Variants in SIGLEC1 observed in about 807,000 individuals in gnomAD.
The protein encoded by SIGLEC1 is sialoadhesin.
A neutral mutation model predicts 148.0 loss-of-function variants in SIGLEC1; 132 were observed. The observed-to-expected ratio is 0.89, with a 90% CI of 0.77 to 1.03. The LOEUF (loss-of-function observed/expected upper bound fraction) is 1.03. Among genes scored for constraint, SIGLEC1 ranks in the 50% least tolerant of loss-of-function variants. The probability of loss-of-function intolerance (pLI) is 0.00; values close to 1 mark genes in which losing one functional copy is unlikely to be tolerated. For synonymous variants in SIGLEC1, 945 were observed against 969.0 expected (o/e 0.98, Z 0.46); for missense variants, 2,253 against 2,271.4 (o/e 0.99, Z 0.16).
intron 21 of SIGLEC1, 34 bp downstream of exon 21, chr20:3,689,121 G>A: frequency 6.4e-7 from 1 of 1,570,842 alleles, no homozygotes; most frequent in Non-Finnish European, 8.8e-7. Context: ...GGTTAGCTGG[G>A]TATTATATCT....
chr20:3,696,726 C>A lies in SIGLEC1; in HGVS notation c.2543G>T (p.Gly848Val). Residue 848 changes from glycine (G) to valine (V), a missense_variant, in exon 11 of 22, where the codon GGT becomes GTT. Transcript: ENST00000344754. ...TSLGPQVPSHGRFQAKAEANS... is the reference protein window; with the variant it reads ...TSLGPQVPSHVRFQAKAEANS... The stretch of plus-strand genomic sequence containing the variant: ...GGCCTCAGCTTTAGCCTGGAACCGA[C>A]CATGGGATGGGACCTGGGGACCCAG... The A allele has an allele frequency of 6.2e-7, 1 of 1,613,656 alleles. No individual in the cohort carries two copies. Among genetic ancestry groups the A allele is most frequent in the South Asian group, 1.1e-5 (1 of 91,078 alleles).
chr20:3,688,316 G>T lies in SIGLEC1; in HGVS notation c.*244C>A. The T allele has an allele frequency of 2.0e-6, 1 of 510,064 alleles. No homozygotes were observed. The highest frequency in any genetic ancestry group is 3.6e-6 in the Non-Finnish European group (1 of 279,964). 31.6% of individuals were successfully genotyped at this position (510,064 alleles called of 1,614,324 possible). On this transcript the variant is annotated 3_prime_UTR_variant, in exon 22 of 22. Transcript: ENST00000344754. ...GAGAGAAGGGAGGAGATCCAGAGAA[G>T]AGAGAGCGAGATCAGCTCAGTGCTC...
At chr20:3,692,426 G>T in intron 16 of SIGLEC1, 95 bp downstream of exon 16, 1 of 1,390,572 alleles carries the variant, frequency 7.2e-7, no homozygotes, top group Non-Finnish European at 9.5e-7. Context: ...CCATTCCTGG[G>T]CCCACTGCAG....
Position 3,689,673 on chromosome 20 carries a change from G to C in SIGLEC1, c.4924C>G (p.Leu1642Val), listed in dbSNP as rs146502297. The C allele has an allele frequency of 1.3e-6, 2 of 1,587,560 alleles. No homozygotes were observed. The highest frequency in any genetic ancestry group is 1.3e-5 in the African/African-American group (1 of 74,684). ...ACCAGCAGTCCCAGGACCCAGAGCA[G>C]CTGCTGGAACTGATGCAGGCGGTGC... ...ALHRLHQFQQ[L>V]LWVLGLLVGL... The change falls in exon 20 of 22, where the codon CTG becomes GTG. Residue 1642 changes from leucine to valine, a missense_variant. Transcript: ENST00000344754.
intron 21 of SIGLEC1, 31 bp from the exon 22 acceptor site, chr20:3,688,650 G>A: frequency 1.9e-6 from 3 of 1,554,770 alleles, no homozygotes; most frequent in Non-Finnish European, 1.7e-6. Context: ...GGTCACAGGA[G>A]GCCTCTGGGA....
In SIGLEC1 at chr20:3,701,582, T is replaced by C; in HGVS notation, c.1288A>G (p.Ile430Val). The change falls in exon 7 of 22, where the codon ATC becomes GTC. Residue 430 changes from isoleucine to valine, a missense_variant. Transcript: ENST00000344754. ...FLETQAGLVG[I>V]LHCSVVSEPL... is the part of the protein sequence containing the mutation. ...TCACTGACCACAGAGCAGTGAAGGATGCCCACAAGTCCCGCCTGGGTCTCC... is the reference window on the plus strand; with the variant it reads ...TCACTGACCACAGAGCAGTGAAGGACGCCCACAAGTCCCGCCTGGGTCTCC... 6.2e-7 allele frequency: 1 copy of C among 1,601,150 alleles called. No individual in the cohort carries two copies. The highest frequency in any genetic ancestry group is 8.5e-7 in the Non-Finnish European group (1 of 1,170,290).
rs1378930625 is a variant in SIGLEC1, at chr20:3,692,909, C to T, written c.3731G>A (p.Arg1244His). ...CGTGTTGGCCTGGCCCAGAGGGCTGCGGGCAGAGCAGCTGTAGAAACCCTC... is the reference window on the plus strand; with the variant it reads ...CGTGTTGGCCTGGCCCAGAGGGCTGTGGGCAGAGCAGCTGTAGAAACCCTC... ...RDEGFYSCSA[R>H]SPLGQANTSL... is the part of the protein sequence containing the mutation. Residue 1244 changes from arginine to histidine, a missense_variant, in exon 15 of 22, where the codon CGC (arginine) becomes CAC (histidine). Physicochemically the swap from Arg to His is conservative, Grantham distance 29. Coordinates refer to ENST00000344754, the MANE Select transcript of SIGLEC1 (RefSeq NM_023068.4). 1.6e-5 allele frequency: 26 copies of T among 1,611,920 alleles called. No homozygotes were observed. The highest frequency in any genetic ancestry group is 1.9e-5 in the Non-Finnish European group (23 of 1,179,854).
In SIGLEC1 at chr20:3,703,335, G is replaced by T. The variant is rs375168366; in HGVS notation, c.1090C>A (p.His364Asn). 6.2e-7 allele frequency: 1 copy of T among 1,614,036 alleles called. No individual in the cohort carries two copies. Among genetic ancestry groups the T allele is most frequent in the African/African-American group, 1.3e-5 (1 of 74,938 alleles). ...SDLRYSWYKN[H>N]VLLEDAHSHT... ...GAGTGGGCATCCTCCAGCAGGACAT[G>T]GTTCTTGTACCAGCTGTAGCGGAGA... The change falls in exon 6 of 22, where the codon CAT becomes AAT. Residue 364 changes from histidine (H) to asparagine (N), a missense_variant. Transcript: ENST00000344754.
At chr20:3,699,505 C>A in intron 7 of SIGLEC1, 46 bp from the exon 8 acceptor site, 1 of 1,568,518 alleles carries the variant, frequency 6.4e-7, no homozygotes. Context: ...CTCTCAACCC[C>A]ACATGCTGCC....
At position 3,693,066 on chromosome 20, in the gene SIGLEC1, G is replaced by A. The variant is rs749048858; in HGVS notation, c.3574C>T (p.Leu1192=). The change falls in exon 15 of 22, where the codon CTG becomes TTG. Residue 1192 remains leucine (L), a synonymous_variant. Coordinates refer to ENST00000344754, the MANE Select transcript of SIGLEC1 (RefSeq NM_023068.4). ...ESHGGQLALV[L]CTVDSRPPAQ... ...GGCGGGCGGCTGTCCACAGTGCACA[G>A]TACCAGGGCCAGCTGCCCGCCATGG... The A allele has an allele frequency of 2.5e-6, 4 of 1,603,796 alleles. No homozygotes were observed. Among genetic ancestry groups the A allele is most frequent in the Admixed American group, 3.4e-5 (2 of 58,916 alleles).
intron 1 of SIGLEC1, among the ~76,000 whole-genome samples, chr20:3,709,046 C>CA (rs375193019): frequency 0.72 from 57,601 of 80,044 alleles, 20,675 homozygotes; most frequent in African/African-American, 0.82. Flanking sequence ...TCTTCTGTCT[C>CA]AAAAAAAAAA....
Position 3,692,975 on chromosome 20 carries a change from T to C in SIGLEC1, c.3665A>G (p.Asn1222Ser). ...LASSTAASVP[N>S]TLRLELRGPQ... ...CCCTCGCAGCTCCAGGCGCAGGGTG[T>C]TGGGGACAGAGGCTGCTGTCGAGGA... Residue 1222 changes from asparagine to serine, a missense_variant, in exon 15 of 22, where the codon AAC becomes AGC. Physicochemically the swap from Asn to Ser is conservative, Grantham distance 46 (BLOSUM62 1). Transcript: ENST00000344754. 6.2e-7 allele frequency: 1 copy of C among 1,612,538 alleles called. No individual in the cohort carries two copies.
intron 1 of SIGLEC1, among the ~76,000 whole-genome samples, chr20:3,711,013 C>G (rs1354117298): frequency 2.0e-5 from 3 of 152,146 alleles, no homozygotes; most frequent in African/African-American, 7.2e-5. Flanking sequence ...GGACAGTGCC[C>G]CGCCCCCCGC....
At chr20:3,690,807 G>T (rs955922401) in intron 18 of SIGLEC1, among the ~76,000 whole-genome samples, 10 of 148,046 alleles carry the variant, frequency 6.8e-5, no homozygotes, top group Admixed American at 1.4e-4. Context: ...ATTTCTTTTG[G>T]TTTTTTCTCT....
chr20:3,707,129 A>T lies in SIGLEC1; in HGVS notation c.-1T>A. 6.2e-7 allele frequency: 1 copy of T among 1,614,060 alleles called. No individual in the cohort carries two copies. Among genetic ancestry groups the T allele is most frequent in the South Asian group, 1.1e-5 (1 of 91,080 alleles). On this transcript the variant is annotated 5_prime_UTR_variant, in exon 2 of 22. Transcript: ENST00000344754. ...GGAGAAGCTTGGGCAAGAAGCCCATAGCAGGTTCTTGTGCTGCTCCTGTTG... is the reference window on the plus strand; with the variant it reads ...GGAGAAGCTTGGGCAAGAAGCCCATTGCAGGTTCTTGTGCTGCTCCTGTTG...
At chr20:3,689,546 C>T (rs539272076) in intron 20 of SIGLEC1, 54 bp downstream of exon 20, 31 of 1,257,000 alleles carry the variant, frequency 2.5e-5, no homozygotes, top group African/African-American at 1.3e-4. Context: ...GGGGAGAAGA[C>T]GAGGTGGGCT....
intron 6 of SIGLEC1, among the ~76,000 whole-genome samples, chr20:3,702,716 A>G (rs1341276654): frequency 6.6e-6 from 1 of 152,220 alleles, no homozygotes; most frequent in Non-Finnish European, 1.5e-5. Flanking sequence ...TCAGGAATAT[A>G]AATATGTAGG....
At position 3,692,552 on chromosome 20, in the gene SIGLEC1, GCGGGTGC is replaced by G; in HGVS notation, c.3992_3998del (p.Gly1331AlafsTer32). On this transcript the variant is annotated frameshift_variant, in exon 16 of 22. Coordinates refer to ENST00000344754, the MANE Select transcript of SIGLEC1 (RefSeq NM_023068.4). LOFTEE classifies it high-confidence loss of function. ...CTTGCAGGGCAGCAGGACGGGAGCTGCGGGTGCCCTGGGCATCCTGGGCCTGGCAAGA... is the reference window on the plus strand; with the variant it reads ...CTTGCAGGGCAGCAGGACGGGAGCTGCCTGGGCATCCTGGGCCTGGCAAGA... 6.2e-7 allele frequency: 1 copy of G among 1,605,580 alleles called. No homozygotes were observed. The highest frequency in any genetic ancestry group is 8.5e-7 in the Non-Finnish European group (1 of 1,178,706).
chr20:3,694,637 C>T (rs757401376), intron 12 of SIGLEC1, 26 bp downstream of exon 12: 128 of 1,597,122 alleles, frequency 8.0e-5, no homozygotes, highest in Non-Finnish European at 1.0e-4. Flanking sequence ...CCTTCCCCCA[C>T]ACCTGGATGG....
Sources: gnomAD v4.1 joint callset for allele counts (sites outside exome capture counted in the v4.1 genomes callset) on GRCh38, gnomAD v4.1.1 for gene constraint, MANE v1.5 for transcripts, NCBI Gene and HGNC (gene_info 2026-07-23, HGNC 2026-07-21) for gene names.